Variants in HABP2 observed in about 807,000 individuals in gnomAD.
HABP2 encodes the protein hyaluronan binding protein 2.
HABP2 carries 65 observed loss-of-function variants against 66.5 expected under a neutral mutation model. The ratio of observed to expected loss-of-function variants is 0.98; its 90% CI spans 0.80 to 1.20. The LOEUF is 1.20. Among genes scored for constraint, HABP2 ranks in the 50% most tolerant of loss-of-function variants. The probability of loss-of-function intolerance (pLI) is 0.00; values close to 1 mark genes in which losing one functional copy is unlikely to be tolerated. For synonymous variants in HABP2, 263 were observed against 253.9 expected, an observed-to-expected ratio of 1.04 and a Z score of -0.34; for missense variants, 786 against 691.0, an observed-to-expected ratio of 1.14 and a Z score of -1.54.
chr10:113,570,888 T>C (rs1845294428), intron 2 of HABP2, among the ~76,000 whole-genome samples: 1 of 152,170 alleles, frequency 6.6e-6, no homozygotes, highest in Non-Finnish European at 1.5e-5. Context: ...TGGCCCTTCC[T>C]TTTAAGAAAC....
intron 1 of HABP2, among the ~76,000 whole-genome samples, chr10:113,560,861 AG>A (rs1421156477): frequency 6.6e-6 from 1 of 152,230 alleles, no homozygotes; most frequent in Non-Finnish European, 1.5e-5. Flanking sequence ...AGCAGGGCTG[AG>A]GGAGAATAAG....
At chr10:113,574,534 A>T in intron 3 of HABP2, 129 bp downstream of exon 3, 1 of 597,402 alleles carries the variant, frequency 1.7e-6, no homozygotes, top group Non-Finnish European at 3.0e-6. Flanking sequence ...GGAAGAAATT[A>T]TTTGGACTGG....
rs1419839624 is a variant in HABP2 at position 113,553,179 on chromosome 10, A to G, written c.58A>G (p.Thr20Ala). Residue 20 changes from threonine to alanine, a missense_variant, in exon 1 of 13, where the codon ACA (threonine) becomes GCA (alanine). Thr to Ala is a moderately conservative substitution (Grantham distance 58). Coordinates refer to ENST00000351270, the MANE Select transcript of HABP2 (RefSeq NM_004132.5). ...GCTGTTAATGGCTCTGGTGGGAAAG[A>G]CAGCCTGTGGGGTAAGTGTTCTTTT... ...VLLLMALVGK[T>A]ACGFSLMSLL... The G allele has an allele frequency of 6.2e-7, 1 of 1,610,738 alleles. No homozygotes were observed. Among genetic ancestry groups the G allele is most frequent in the Non-Finnish European group, 8.5e-7 (1 of 1,176,996 alleles).
intron 7 of HABP2, among the ~76,000 whole-genome samples, chr10:113,579,595 T>C (rs1449794797): frequency 6.6e-6 from 1 of 152,214 alleles, no homozygotes; most frequent in African/African-American, 2.4e-5. Flanking sequence ...CCACCCTCCC[T>C]GGTGGTGATC....
chr10:113,584,922 G>A (rs1845605067), intron 11 of HABP2, among the ~76,000 whole-genome samples: 3 of 152,142 alleles, frequency 2.0e-5, no homozygotes, highest in Middle Eastern at 3.4e-3. Context: ...TCATAGTACT[G>A]GCAACATTAT....
At chr10:113,588,111 C>G (rs747002141) in intron 12 of HABP2, 94 bp from the exon 13 acceptor site, 3 of 1,057,722 alleles carry the variant, frequency 2.8e-6, no homozygotes, top group Non-Finnish European at 4.1e-6. Context: ...AGGGACTCCA[C>G]CCCATCCCTC....
chr10:113,553,115 T>C lies in HABP2; in HGVS notation c.-7T>C. On this transcript the variant is annotated 5_prime_UTR_variant, in exon 1 of 13. Coordinates refer to ENST00000351270, the MANE Select transcript of HABP2 (RefSeq NM_004132.5). ...GAGAGGAAAACACAAGTCCTTAAAC[T>C]GCAAAGATGTTTGCCAGGATGTCTG... The C allele has an allele frequency of 6.2e-7, 1 of 1,611,920 alleles. No homozygotes were observed. The highest frequency in any genetic ancestry group is 8.5e-7 in the Non-Finnish European group (1 of 1,177,956).
chr10:113,582,659 C>G (rs1592700092), intron 9 of HABP2, among the ~76,000 whole-genome samples: 1 of 152,318 alleles, frequency 6.6e-6, no homozygotes, highest in East Asian at 1.9e-4. Context: ...TTGTCTGATA[C>G]CATCACCAAT....
At chr10:113,584,701 A>T (rs1388982448) in intron 11 of HABP2, among the ~76,000 whole-genome samples, 1 of 152,234 alleles carries the variant, frequency 6.6e-6, no homozygotes, top group East Asian at 1.9e-4. Context: ...TGCAAGCATG[A>T]TCACAGGGGA....
chr10:113,581,352 G>A (rs554515192), intron 8 of HABP2, among the ~76,000 whole-genome samples: 1 of 152,170 alleles, frequency 6.6e-6, no homozygotes, highest in Non-Finnish European at 1.5e-5. Flanking sequence ...TAAGGAACAG[G>A]ACAAGGCACC....
chr10:113,585,294 A>G (rs1388723451), intron 11 of HABP2, among the ~76,000 whole-genome samples: 5 of 152,330 alleles, frequency 3.3e-5, no homozygotes, highest in African/African-American at 9.6e-5. Context: ...TTTGCTTTTC[A>G]TAAACAGGCT....
intron 2 of HABP2, among the ~76,000 whole-genome samples, chr10:113,568,515 G>A (rs140228808): frequency 1.3e-5 from 2 of 152,356 alleles, no homozygotes; most frequent in East Asian, 1.9e-4. Flanking sequence ...TATTTGTGGA[G>A]TTGAAGAGAA....
At chr10:113,578,250 G>A (rs113801070) in intron 6 of HABP2, 105 bp downstream of exon 6, 39 of 1,243,728 alleles carry the variant, frequency 3.1e-5, no homozygotes, top group South Asian at 1.8e-4. Flanking sequence ...TCCCAAACTC[G>A]ACTATTGCCT....
At chr10:113,557,437 G>A (rs1845018091) in intron 1 of HABP2, among the ~76,000 whole-genome samples, 1 of 152,152 alleles carries the variant, frequency 6.6e-6, no homozygotes, top group African/African-American at 2.4e-5. Flanking sequence ...AAATTCATTA[G>A]AGTTTCCTAA....
chr10:113,587,951 G>T (rs1281340373), intron 12 of HABP2, among the ~76,000 whole-genome samples: 1 of 151,876 alleles, frequency 6.6e-6, no homozygotes, highest in African/African-American at 2.4e-5. Flanking sequence ...ACTGAGAGTT[G>T]GGAAGTGCAG....
chr10:113,589,538 G>C lies in HABP2; in HGVS notation c.*1169G>C. On this transcript the variant is annotated 3_prime_UTR_variant, in exon 13 of 13. Coordinates refer to ENST00000351270, the MANE Select transcript of HABP2 (RefSeq NM_004132.5). ...ACCCATGAAATTAGGCGCCTTGTTT[G>C]AGCTGCGTTTCACACTTCTTTAGAG... The C allele has an allele frequency of 8.8e-7, 1 of 1,142,556 alleles. No individual in the cohort carries two copies. Among genetic ancestry groups the C allele is most frequent in the Non-Finnish European group, 1.2e-6 (1 of 808,138 alleles). The allele number at this position is 1,142,556 out of a possible 1,614,324, so 70.8% of individuals were successfully genotyped here.
In HABP2 at chr10:113,578,817, A is replaced by G; in HGVS notation, c.740+19A>G. On this transcript the variant is annotated intron_variant, in intron 7 of 12. Transcript: ENST00000351270. ...TCTGCAGGTAACATTTACCTTATTT[A>G]TGCTCAGTTGATTTTGGTCACTTAT... The G allele has an allele frequency of 1.3e-6, 2 of 1,546,478 alleles. No individual in the cohort carries two copies. The highest frequency in any genetic ancestry group is 8.9e-7 in the Non-Finnish European group (1 of 1,120,250).
At chr10:113,564,869 T>C (rs4917659) in intron 1 of HABP2, among the ~76,000 whole-genome samples, 47,007 of 151,130 alleles carry the variant, frequency 0.31, 8,432 homozygotes, top group East Asian at 0.51. Flanking sequence ...TTTTCTTAGA[T>C]GGAGTCTCGC....
intron 2 of HABP2, among the ~76,000 whole-genome samples, chr10:113,571,051 T>C (rs1845298160): frequency 6.6e-6 from 1 of 152,242 alleles, no homozygotes; most frequent in Non-Finnish European, 1.5e-5. Context: ...AGCAATCTAA[T>C]ATCAATCAAG....
Sources: gnomAD v4.1 joint callset for allele counts (sites outside exome capture counted in the v4.1 genomes callset) on GRCh38, gnomAD v4.1.1 for gene constraint, MANE v1.5 for transcripts, NCBI Gene and HGNC (gene_info 2026-07-23, HGNC 2026-07-21) for gene names.